The following SUPV3L1 variants were observed in gnomAD, a reference collection of about 807,000 sequenced individuals.
SUPV3L1 encodes Suv3 like RNA helicase.
SUPV3L1 carries 35 observed loss-of-function variants against 70.0 expected under a neutral mutation model. That is an observed-to-expected ratio of 0.50 (90% CI 0.38 to 0.66). SUPV3L1 has a LOEUF of 0.66. Among genes scored for constraint, SUPV3L1 ranks in the 30% least tolerant of loss-of-function variants. SUPV3L1 has a pLI of 0.00. For missense variants in SUPV3L1, 777 were observed against 961.5 expected, an observed-to-expected ratio of 0.81 and a Z score of 2.54; for synonymous variants, 364 against 341.9, an observed-to-expected ratio of 1.06 and a Z score of -0.71.
intron 1 of SUPV3L1, 141 bp downstream of exon 1, chr10:69,180,703 T>A: frequency 8.5e-7 from 1 of 1,180,236 alleles, no homozygotes; most frequent in South Asian, 1.5e-5. Context: ...TCTGCCTCCT[T>A]CGCTGGTGTG....
intron 5 of SUPV3L1, among the ~76,000 whole-genome samples, chr10:69,190,524 C>T (rs1169583807): frequency 5.9e-5 from 9 of 151,962 alleles, no homozygotes; most frequent in Non-Finnish European, 1.2e-4. Context: ...CAGACTTTTA[C>T]GTAACCACAG....
chr10:69,191,647 C>T lies in SUPV3L1; in HGVS notation c.742-8C>T. 1 of 1,609,438 alleles carries T rather than the reference C, an allele frequency of 6.2e-7. No homozygotes were observed. The highest frequency in any genetic ancestry group is 8.5e-7 in the Non-Finnish European group (1 of 1,177,586). ...TCAATAATTCTAGTTTTTTTTCTGT[C>T]TTTCTAGGGTGTGCCATGTGACTTG... is the stretch of plus-strand genomic sequence containing the variant. On this transcript the variant is annotated splice_region_variant and splice_polypyrimidine_tract_variant and intron_variant, in intron 5 of 14. Transcript: ENST00000359655.
intron 7 of SUPV3L1, 151 bp downstream of exon 7, chr10:69,195,416 A>G (rs538009219): frequency 7.8e-4 from 336 of 430,286 alleles, no homozygotes; most frequent in African/African-American, 5.0e-3. Flanking sequence ...TTTATTTTCT[A>G]AATATTATTT....
intron 13 of SUPV3L1, among the ~76,000 whole-genome samples, chr10:69,205,108 C>G (rs569690682): frequency 1.3e-5 from 2 of 152,270 alleles, no homozygotes; most frequent in African/African-American, 4.8e-5. Context: ...CACAACTTGC[C>G]TTTTCTTTTT....
chr10:69,181,465 G>A (rs554869017), intron 1 of SUPV3L1, among the ~76,000 whole-genome samples: 1 of 152,326 alleles, frequency 6.6e-6, no homozygotes, highest in East Asian at 1.9e-4. Context: ...CTAAACATGT[G>A]ATGGAACTCA....
At chr10:69,204,990 C>T (rs1338590891) in intron 13 of SUPV3L1, among the ~76,000 whole-genome samples, 2 of 152,054 alleles carry the variant, frequency 1.3e-5, no homozygotes, top group African/African-American at 4.8e-5. Context: ...AGGCTGGTCA[C>T]GAACTCCTGA....
At position 69,191,745 on chromosome 10, in the gene SUPV3L1, A is replaced by T. The variant is rs1046097806; in HGVS notation, c.832A>T (p.Met278Leu). The T allele has an allele frequency of 6.2e-7, 1 of 1,612,996 alleles. No homozygotes were observed. Among genetic ancestry groups the T allele is most frequent in the East Asian group, 2.2e-5 (1 of 44,850 alleles). ...TTCACATGTTTCTTGTACAGTTGAG[A>T]TGTGCAGTGTTACAACTCCTTGTAT... ...QASHVSCTVEMCSVTTPYEVA... is the reference protein window; with the variant it reads ...QASHVSCTVELCSVTTPYEVA... Residue 278 changes from methionine to leucine, a missense_variant, in exon 6 of 15, where the codon ATG (methionine) becomes TTG (leucine). Around this residue, in one of 2 missense-constraint regions of SUPV3L1, gnomAD observed 619 missense variants for 823.3 expected, o/e 0.75. Transcript: ENST00000359655.
intron 1 of SUPV3L1, among the ~76,000 whole-genome samples, chr10:69,182,857 C>T (rs1049754713): frequency 1.3e-5 from 2 of 152,162 alleles, no homozygotes; most frequent in Non-Finnish European, 2.9e-5. Context: ...CTACTCATAA[C>T]CCAAAAAGTT....
intron 7 of SUPV3L1, among the ~76,000 whole-genome samples, chr10:69,196,635 C>G (rs1016643807): frequency 1.3e-5 from 2 of 152,098 alleles, no homozygotes; most frequent in African/African-American, 2.4e-5. Context: ...CAACCCCCAA[C>G]CTCTGAGGTA....
intron 9 of SUPV3L1, 40 bp downstream of exon 9, chr10:69,198,592 C>A: frequency 6.3e-7 from 1 of 1,575,512 alleles, no homozygotes; most frequent in Non-Finnish European, 8.7e-7. Flanking sequence ...ATGAAATCTC[C>A]TATCTTTGCA....
chr10:69,205,908 T>C (rs1189089108), intron 13 of SUPV3L1, among the ~76,000 whole-genome samples: 1 of 152,184 alleles, frequency 6.6e-6, no homozygotes, highest in African/African-American at 2.4e-5. Flanking sequence ...ATCTTTGTCA[T>C]TACTGAACTA....
At chr10:69,203,082 G>T (rs1328964940) in intron 13 of SUPV3L1, 39 bp downstream of exon 13, 11 of 1,554,518 alleles carry the variant, frequency 7.1e-6, no homozygotes, top group Non-Finnish European at 8.7e-6. Context: ...GTTCCTTCTG[G>T]TTGATGCAGG....
intron 2 of SUPV3L1, 106 bp from the exon 3 acceptor site, chr10:69,186,337 A>AG (rs1564700037): frequency 2.0e-5 from 13 of 650,000 alleles, no homozygotes; most frequent in Non-Finnish European, 2.9e-5. Context: ...AAAAAAAAAA[A>AG]AAAAAAAGAA....
rs1338661880 is a variant in SUPV3L1, at chr10:69,198,398, C to A, written c.1050C>A (p.Pro350=). Residue 350 remains proline, a synonymous_variant, in exon 9 of 15, where the codon CCC becomes CCA. Transcript: ENST00000359655. ...TTCGAGACTATAAGAGGCTTACCCCCATTTCTGTGCTGGACCATGCACTAG... is the reference window on the plus strand; with the variant it reads ...TTCGAGACTATAAGAGGCTTACCCCAATTTCTGTGCTGGACCATGCACTAG... ...VEVRDYKRLT[P]ISVLDHALES... 1 of 1,612,206 alleles carries A rather than the reference C, an allele frequency of 6.2e-7. No homozygotes were observed. The highest frequency in any genetic ancestry group is 8.5e-7 in the Non-Finnish European group (1 of 1,179,500).
intron 12 of SUPV3L1, 45 bp downstream of exon 12, chr10:69,202,564 T>C (rs1427727612): frequency 1.9e-6 from 3 of 1,542,782 alleles, no homozygotes; most frequent in Admixed American, 1.7e-5. Flanking sequence ...AATGTTGATA[T>C]GTCAGGTGAT....
intron 4 of SUPV3L1, 125 bp downstream of exon 4, chr10:69,187,881 TA>T (rs1842275316): frequency 1.6e-6 from 1 of 639,806 alleles, no homozygotes; most frequent in Non-Finnish European, 2.6e-6. Context: ...GTTGTTTTCC[TA>T]AAATAAAAAG....
Position 69,191,689 on chromosome 10 carries a change from G to T in SUPV3L1, c.776G>T (p.Arg259Leu). 2.5e-6 allele frequency: 4 copies of T among 1,614,062 alleles called. No homozygotes were observed. The highest frequency in any genetic ancestry group is 2.5e-6 in the Non-Finnish European group (3 of 1,179,992). ...TGTGACTTGGTGACAGGTGAAGAGC[G>T]TGTGACAGTTCAGCCAAATGGGAAA... ...VPCDLVTGEE[R>L]VTVQPNGKQA... Residue 259 changes from arginine (R) to leucine (L), a missense_variant, in exon 6 of 15, where the codon CGT becomes CTT. By Grantham distance (102) the Arg-to-Leu change is moderately radical. This residue lies in a region of SUPV3L1 where 619 missense variants were observed against 823.3 expected (regional missense o/e 0.75). Transcript: ENST00000359655.
chr10:69,196,506 A>G (rs1235576347), intron 7 of SUPV3L1, among the ~76,000 whole-genome samples: 1 of 147,568 alleles, frequency 6.8e-6, no homozygotes, highest in African/African-American at 2.5e-5. Context: ...GTCTCATGGA[A>G]AAAAAAAAAA....
In SUPV3L1 at chr10:69,200,446, G is replaced by A. The variant is rs1379527145; in HGVS notation, c.1465G>A (p.Glu489Lys). 6.2e-7 allele frequency: 1 copy of A among 1,614,082 alleles called. No homozygotes were observed. ...AGGAGAGGTTACAACAATGAATCAT[G>A]AAGATCTCAGTTTATTAAAGGAAAT... Reference protein sequence around the residue: ...KEGEVTTMNHEDLSLLKEILK... With the variant: ...KEGEVTTMNHKDLSLLKEILK... Residue 489 changes from glutamate to lysine, a missense_variant, in exon 11 of 15, where the codon GAA becomes AAA. Glu to Lys is a moderately conservative substitution (Grantham distance 56). Around this residue, in one of 2 missense-constraint regions of SUPV3L1, gnomAD observed 619 missense variants for 823.3 expected, o/e 0.75. Coordinates refer to ENST00000359655, the MANE Select transcript of SUPV3L1 (RefSeq NM_003171.5).
Sources: allele counts gnomAD v4.1 joint callset (sites outside exome capture counted in the v4.1 genomes callset), GRCh38; gene constraint gnomAD v4.1.1; regional missense constraint gnomAD v4.1.1; transcripts MANE v1.5; gene names NCBI Gene and HGNC (gene_info 2026-07-23, HGNC 2026-07-21).